Variants in TNRC6B observed in about 807,000 individuals in gnomAD.
TNRC6B encodes the protein trinucleotide repeat-containing gene 6B protein.
TNRC6B carries 52 observed loss-of-function variants against 203.6 expected under a neutral mutation model. The observed-to-expected ratio is 0.26, with a 90% confidence interval of 0.20 to 0.32. TNRC6B has a LOEUF of 0.32. Among genes scored for constraint, TNRC6B ranks in the 10% least tolerant of loss-of-function variants. The pLI is 1.00. For synonymous variants in TNRC6B, 838 were observed against 845.7 expected, an observed-to-expected ratio of 0.99 and a Z score of 0.16; for missense variants, 1,923 against 2,286.2, an observed-to-expected ratio of 0.84 and a Z score of 3.24.
intron 19 of TNRC6B, among the ~76,000 whole-genome samples, chr22:40,314,918 T>G (rs2071236769): frequency 6.6e-6 from 1 of 152,246 alleles, no homozygotes; most frequent in Non-Finnish European, 1.5e-5. Flanking sequence ...AATACTTTAT[T>G]CTGCTAATGT....
At chr22:40,129,781 T>A (rs779166882) in intron 3 of TNRC6B, among the ~76,000 whole-genome samples, 11 of 152,126 alleles carry the variant, frequency 7.2e-5, no homozygotes, top group Non-Finnish European at 1.2e-4. Flanking sequence ...AAACTGACAA[T>A]CAAATGGAGT....
intron 3 of TNRC6B, among the ~76,000 whole-genome samples, chr22:40,131,776 A>T (rs2068547085): frequency 6.6e-6 from 1 of 152,228 alleles, no homozygotes; most frequent in Non-Finnish European, 1.5e-5. Context: ...ATGACCTAAC[A>T]AATTTCTCAA....
At chr22:40,071,222 G>A (rs1037603078) in intron 1 of TNRC6B, among the ~76,000 whole-genome samples, 1 of 151,964 alleles carries the variant, frequency 6.6e-6, no homozygotes, top group African/African-American at 2.4e-5. Flanking sequence ...CAATACCTTA[G>A]GCAGTTGCCA....
chr22:40,232,098 TACTC>T (rs891946871), intron 1 of TNRC6B, among the ~76,000 whole-genome samples: 15 of 152,186 alleles, frequency 9.9e-5, no homozygotes, highest in Non-Finnish European at 2.9e-5. Flanking sequence ...GATACATAAT[TACTC>T]AGTCATGGAA....
chr22:40,318,351 T>G (rs1282564254), intron 21 of TNRC6B, among the ~76,000 whole-genome samples: 1 of 151,994 alleles, frequency 6.6e-6, no homozygotes, highest in Non-Finnish European at 1.5e-5. Context: ...ATCGAGACCA[T>G]CCTGGCTAAC....
intron 1 of TNRC6B, among the ~76,000 whole-genome samples, chr22:40,207,606 T>C (rs957579694): frequency 6.6e-6 from 1 of 151,596 alleles, no homozygotes; most frequent in Non-Finnish European, 1.5e-5. Flanking sequence ...ATATCCAGAA[T>C]ACAATGCAGA....
At chr22:40,213,653 C>T (rs1424810489) in intron 1 of TNRC6B, among the ~76,000 whole-genome samples, 2 of 152,172 alleles carry the variant, frequency 1.3e-5, no homozygotes, top group African/African-American at 4.8e-5. Context: ...ATAATAATAG[C>T]AGCTAGCATC....
intron 1 of TNRC6B, among the ~76,000 whole-genome samples, chr22:40,051,676 T>C (rs956212460): frequency 2.0e-5 from 3 of 152,226 alleles, no homozygotes; most frequent in African/African-American, 7.2e-5. Flanking sequence ...TGCTTTAGCT[T>C]GTTATTTAAA....
chr22:40,315,257 C>T (rs1304122541), intron 19 of TNRC6B, 26 bp from the exon 20 acceptor site: 10 of 1,595,396 alleles, frequency 6.3e-6, no homozygotes, highest in Non-Finnish European at 7.7e-6. Flanking sequence ...TAACCTTATT[C>T]CTTCCTTAAT....
rs1350894011 is a variant in TNRC6B at position 40,329,337 on chromosome 22, G to A, written c.*6096G>A. On this transcript the variant is annotated 3_prime_UTR_variant, in exon 23 of 23. Transcript: ENST00000454349. ...ACAGAATATTATCTAGATTTCCAGAGTTAGTGCAGACCCTGTGATAACAGT... is the reference window on the plus strand; with the variant it reads ...ACAGAATATTATCTAGATTTCCAGAATTAGTGCAGACCCTGTGATAACAGT... 6.6e-6 allele frequency: 1 copy of A among 152,182 alleles called. No homozygotes were observed. Among genetic ancestry groups the A allele is most frequent in the Non-Finnish European group, 1.5e-5 (1 of 68,046 alleles). 9.4% of individuals were successfully genotyped at this position (152,182 alleles called of 1,614,324 possible). A position where few individuals can be genotyped will look rare whatever the true frequency, so the allele number is the denominator to read the frequency against.
In TNRC6B at chr22:40,326,760, T is replaced by G. The variant is rs557404438; in HGVS notation, c.*3519T>G. ...TTAGGAAATATAGGTTAATAATTTTTGGAACAAATTTTAAATATAGGCATT... is the reference window on the plus strand; with the variant it reads ...TTAGGAAATATAGGTTAATAATTTTGGGAACAAATTTTAAATATAGGCATT... On this transcript the variant is annotated 3_prime_UTR_variant, in exon 23 of 23. Transcript: ENST00000454349. 9.8e-5 allele frequency: 15 copies of G among 152,634 alleles called. No individual in the cohort carries two copies. The highest frequency in any genetic ancestry group is 2.1e-4 in the Non-Finnish European group (14 of 68,036). The allele number at this position is 152,634 out of a possible 1,614,324, so 9.5% of individuals were successfully genotyped here. A position where few individuals can be genotyped will look rare whatever the true frequency, so the allele number is the denominator to read the frequency against.
Position 40,328,819 on chromosome 22 carries a change from C to CA in TNRC6B, c.*5579dup, listed in dbSNP as rs1569074088. The CA allele has an allele frequency of 6.6e-6, 1 of 152,204 alleles. No individual in the cohort carries two copies. Among genetic ancestry groups the CA allele is most frequent in the Non-Finnish European group, 1.5e-5 (1 of 68,018 alleles). The allele number at this position is 152,204 out of a possible 1,614,324, so 9.4% of individuals were successfully genotyped here. Reference sequence around the variant, plus strand: ...AAAAGATCCATTTTTTCCCCATCCTCAGAGTTAAAATTCAACATTTAAAGC... The same window carrying CA: ...AAAAGATCCATTTTTTCCCCATCCTCAAGAGTTAAAATTCAACATTTAAAGC... On this transcript the variant is annotated 3_prime_UTR_variant, in exon 23 of 23. Transcript: ENST00000454349.
intron 1 of TNRC6B, among the ~76,000 whole-genome samples, chr22:40,227,172 C>T (rs1400567366): frequency 6.7e-6 from 1 of 149,172 alleles, no homozygotes; most frequent in Non-Finnish European, 1.5e-5. Context: ...TCTCAAACTC[C>T]TGACCTCAAG....
At position 40,301,114 on chromosome 22, in the gene TNRC6B, C is replaced by T. The variant is rs1378915331; in HGVS notation, c.3937-36C>T. On this transcript the variant is annotated intron_variant, in intron 14 of 22. Transcript: ENST00000454349. The stretch of plus-strand genomic sequence containing the variant: ...AGTCTTTTCCTGGGAAGTTCGGGGC[C>T]GTGCTTATCACGTGTCTGTCTCTCT... 8.4e-6 allele frequency: 13 copies of T among 1,553,302 alleles called. No homozygotes were observed. The East Asian group carries it at 9.7e-5, about 12-fold the overall frequency.
At chr22:40,154,894 T>TATATATAC (rs1236479777) in intron 3 of TNRC6B, among the ~76,000 whole-genome samples, 2 of 38,172 alleles carry the variant, frequency 5.2e-5, no homozygotes, top group Non-Finnish European at 8.8e-5. Flanking sequence ...TATATATATA[T>TATATATAC]ACATATATAT....
intron 1 of TNRC6B, among the ~76,000 whole-genome samples, chr22:40,206,836 A>G (rs1198955217): frequency 6.6e-6 from 1 of 152,188 alleles, no homozygotes; most frequent in Admixed American, 6.5e-5. Context: ...AGTTGGGGAA[A>G]TAATGGACTT....
intron 1 of TNRC6B, among the ~76,000 whole-genome samples, chr22:40,072,297 G>A (rs2067956693): frequency 6.6e-6 from 1 of 152,140 alleles, no homozygotes; most frequent in Admixed American, 6.5e-5. Flanking sequence ...CCCTAACGGA[G>A]CGCTTACTTA....
At chr22:40,316,278 C>T (rs561453771) in intron 21 of TNRC6B, among the ~76,000 whole-genome samples, 68 of 151,412 alleles carry the variant, frequency 4.5e-4, no homozygotes, top group African/African-American at 1.3e-3. Flanking sequence ...GGCGTGAACC[C>T]GGGAGGCGGA....
At chr22:40,112,028 C>T (rs769882671) in intron 1 of TNRC6B, among the ~76,000 whole-genome samples, 4 of 151,958 alleles carry the variant, frequency 2.6e-5, no homozygotes, top group Non-Finnish European at 4.4e-5. Context: ...TTGAACCCAG[C>T]GGCAGAGGTT....
Sources: allele counts gnomAD v4.1 joint callset (sites outside exome capture counted in the v4.1 genomes callset), GRCh38; gene constraint gnomAD v4.1.1; transcripts MANE v1.5; gene names NCBI Gene and HGNC (gene_info 2026-07-23, HGNC 2026-07-21).